Variants in ADGRL2 observed in about 807,000 individuals in gnomAD.
ADGRL2 encodes the protein calcium-independent alpha-latrotoxin receptor 2.
A neutral mutation model predicts 157.4 loss-of-function variants in ADGRL2; 44 were observed. The ratio of observed to expected loss-of-function variants is 0.28; its 90% CI spans 0.22 to 0.36. ADGRL2 has a LOEUF of 0.36. ADGRL2 is among the 10% of genes least tolerant of loss of function. The pLI is 1.00. For missense variants in ADGRL2, 1,510 were observed against 1,768.9 expected (o/e 0.85, Z 2.63); for synonymous variants, 585 against 624.7 (o/e 0.94, Z 0.95).
chr1:81,544,896 T>A (rs927517997), intron 2 of ADGRL2, among the ~76,000 whole-genome samples: 5 of 152,186 alleles, frequency 3.3e-5, no homozygotes, highest in Admixed American at 2.6e-4. Context: ...AACTCTTGAT[T>A]TCCCGCTATG....
intron 1 of ADGRL2, among the ~76,000 whole-genome samples, chr1:81,423,871 C>T (rs2077167708): frequency 6.6e-6 from 1 of 152,084 alleles, no homozygotes; most frequent in South Asian, 2.1e-4. Flanking sequence ...TAAAGCCAAG[C>T]TTTAAAGAGA....
At chr1:81,524,523 G>A (rs1201932687) in intron 2 of ADGRL2, among the ~76,000 whole-genome samples, 3 of 151,752 alleles carry the variant, frequency 2.0e-5, no homozygotes, top group Non-Finnish European at 4.4e-5. Context: ...GTGTATAAAA[G>A]CAAAAGATAG....
chr1:81,744,449 C>A (rs1281296524), intron 1 of ADGRL2, among the ~76,000 whole-genome samples: 1 of 152,164 alleles, frequency 6.6e-6, no homozygotes, highest in Non-Finnish European at 1.5e-5. Flanking sequence ...ATTTTGAACA[C>A]AAATTAGCTC....
chr1:81,404,448 T>G (rs2076817984), intron 1 of ADGRL2, among the ~76,000 whole-genome samples: 1 of 152,198 alleles, frequency 6.6e-6, no homozygotes, highest in Admixed American at 6.5e-5. Flanking sequence ...ATGAAGGTTT[T>G]TTAATGAGCT....
chr1:81,520,148 T>C (rs943266176), intron 2 of ADGRL2, among the ~76,000 whole-genome samples: 2 of 152,176 alleles, frequency 1.3e-5, no homozygotes, highest in African/African-American at 4.8e-5. Context: ...ACAAGAAAAG[T>C]AATCTAGGCC....
chr1:81,980,944 T>C (rs1045694508), intron 18 of ADGRL2: 4 of 517,950 alleles, frequency 7.7e-6, no homozygotes, highest in African/African-American at 4.0e-5. Context: ...TTTTGAAATA[T>C]CTAATTTGCT....
intron 2 of ADGRL2, among the ~76,000 whole-genome samples, chr1:81,561,520 G>A (rs1249702294): frequency 6.7e-6 from 1 of 150,236 alleles, no homozygotes; most frequent in Non-Finnish European, 1.5e-5. Flanking sequence ...GAGTGCAGTG[G>A]TGCGATCTTG....
At chr1:81,872,937 A>AT (rs35272392) in intron 2 of ADGRL2, among the ~76,000 whole-genome samples, 3 of 152,084 alleles carry the variant, frequency 2.0e-5, no homozygotes, top group Non-Finnish European at 4.4e-5. Flanking sequence ...TTACTGGCTT[A>AT]TTTTTTTCAG....
chr1:81,520,353 A>T lies in ADGRL2; in HGVS notation c.-247-60523A>T, dbSNP rs78401561. On this transcript the variant is annotated intron_variant, in intron 2 of 24. Transcript: ENST00000370721. ...TTGATAAAGCTGTGAGTGACATAAA[A>T]ACACCATCCCCGCCCCTCTGCCACA... is the stretch of plus-strand genomic sequence containing the variant. Among the ~76,000 whole-genome samples the T allele has an allele frequency of 3.6e-3, 541 of 152,242 alleles. 2 individuals carry two copies. Among genetic ancestry groups the T allele is most frequent in the Middle Eastern group, 0.024 (7 of 294 alleles).
chr1:81,977,810 G>GA (rs539617082), intron 17 of ADGRL2, among the ~76,000 whole-genome samples: 2 of 150,620 alleles, frequency 1.3e-5, no homozygotes, highest in African/African-American at 2.4e-5. Context: ...GAAGAGCAAG[G>GA]AAAAAAAACC....
intron 1 of ADGRL2, among the ~76,000 whole-genome samples, chr1:81,429,866 T>C (rs959777613): frequency 6.6e-5 from 10 of 152,044 alleles, no homozygotes; most frequent in Non-Finnish European, 1.3e-4. Flanking sequence ...TATATTGTTG[T>C]TTTTTGTTTT....
chr1:81,503,578 C>T (rs766282187), intron 2 of ADGRL2: 119 of 1,283,562 alleles, frequency 9.3e-5, no homozygotes, highest in South Asian at 2.3e-4. Context: ...CACCATTTGG[C>T]CAGACATTGA....
chr1:81,923,566 C>G (rs999437512), intron 3 of ADGRL2, among the ~76,000 whole-genome samples: 5 of 151,266 alleles, frequency 3.3e-5, no homozygotes, highest in Admixed American at 2.0e-4. Flanking sequence ...TTAATCTCAT[C>G]TTATAGAATA....
chr1:81,716,554 C>T (rs1367647973), intron 1 of ADGRL2, among the ~76,000 whole-genome samples: 1 of 152,102 alleles, frequency 6.6e-6, no homozygotes, highest in Non-Finnish European at 1.5e-5. Context: ...CTTCTCTTCC[C>T]TGTGTGGCTG....
At position 81,540,151 on chromosome 1, in the gene ADGRL2, T is replaced by C. The variant is rs369806406; in HGVS notation, c.-247-40725T>C. 2.6e-5 allele frequency among the ~76,000 whole-genome samples: 4 copies of C among 152,310 alleles called. 1 individual carries two copies. The highest frequency in any genetic ancestry group is 2.1e-4 in the South Asian group (1 of 4,830). ...GAATAGGTTATTTCTAATTTTCCAATTCCAGAGTATAATAGCCAGGACATC... is the reference window on the plus strand; with the variant it reads ...GAATAGGTTATTTCTAATTTTCCAACTCCAGAGTATAATAGCCAGGACATC... On this transcript the variant is annotated intron_variant, in intron 2 of 24. Transcript: ENST00000370721.
At chr1:81,397,185 T>C (rs945887618) in intron 1 of ADGRL2, among the ~76,000 whole-genome samples, 9 of 152,140 alleles carry the variant, frequency 5.9e-5, no homozygotes, top group African/African-American at 2.2e-4. Context: ...TTTGGTTTAA[T>C]CTTGGTAGGT....
upstream of ADGRL2, among the ~76,000 whole-genome samples, chr1:81,698,675 C>T (rs1279740601): frequency 6.6e-6 from 1 of 152,168 alleles, no homozygotes; most frequent in African/African-American, 2.4e-5. Context: ...CTCTAGAGTA[C>T]AGTACATTGA....
At chr1:81,436,260 C>T (rs1331043815) in intron 1 of ADGRL2, among the ~76,000 whole-genome samples, 3 of 152,074 alleles carry the variant, frequency 2.0e-5, no homozygotes, top group Non-Finnish European at 2.9e-5. Context: ...TGAAGGAGAA[C>T]GTACTTGCCG....
At chr1:81,402,332 C>T (rs1185194296) in intron 1 of ADGRL2, among the ~76,000 whole-genome samples, 1 of 152,102 alleles carries the variant, frequency 6.6e-6, no homozygotes, top group African/African-American at 2.4e-5. Flanking sequence ...CTGCTGGGTA[C>T]AGAAACTTCT....
Sources: allele counts gnomAD v4.1 joint callset (sites outside exome capture counted in the v4.1 genomes callset), GRCh38; gene constraint gnomAD v4.1.1; transcripts MANE v1.5; gene names NCBI Gene and HGNC (gene_info 2026-07-23, HGNC 2026-07-21).